The following GALNTL6 variants were observed in gnomAD, a reference collection of about 807,000 sequenced individuals.
The protein encoded by GALNTL6 is polypeptide N-acetylgalactosaminyltransferase like 6.
A neutral mutation model predicts 73.7 loss-of-function variants in GALNTL6; 46 were observed. The observed-to-expected ratio is 0.62, with a 90% confidence interval of 0.49 to 0.80. GALNTL6 has a LOEUF of 0.80. Ranked by LOEUF, GALNTL6 falls within the 30% of genes least tolerant of loss-of-function variation. The pLI is 0.00. For synonymous variants in GALNTL6, 259 were observed against 263.7 expected (o/e 0.98, Z 0.17); for missense variants, 604 against 755.0 (o/e 0.80, Z 2.34).
At chr4:171,823,181 A>C (rs181455110) in intron 2 of GALNTL6, among the ~76,000 whole-genome samples, 58 of 152,312 alleles carry the variant, frequency 3.8e-4, no homozygotes, top group African/African-American at 1.3e-3. Context: ...AAATAAAATT[A>C]TACTAGATTA....
At chr4:172,123,897 AT>A (rs1159771199) in intron 2 of GALNTL6, among the ~76,000 whole-genome samples, 3 of 152,144 alleles carry the variant, frequency 2.0e-5, no homozygotes, top group African/African-American at 7.2e-5. Flanking sequence ...CAGGTTCATC[AT>A]TTCAGAAATT....
At chr4:172,529,863 T>TTTTATTTTATTTA (rs1554032972) in intron 5 of GALNTL6, among the ~76,000 whole-genome samples, 2,788 of 138,628 alleles carry the variant, frequency 0.02, 49 homozygotes, top group East Asian at 0.044. Context: ...TTTATTTTTA[T>TTTTATTTTATTTA]TTTATTTATT....
chr4:172,955,031 T>C (rs1749644769), intron 10 of GALNTL6, among the ~76,000 whole-genome samples: 1 of 152,206 alleles, frequency 6.6e-6, no homozygotes, highest in African/African-American at 2.4e-5. Context: ...TTTTTAAAAG[T>C]ATCTAATTCT....
chr4:172,335,646 T>A (rs1741288981), intron 4 of GALNTL6, among the ~76,000 whole-genome samples: 1 of 152,162 alleles, frequency 6.6e-6, no homozygotes, highest in African/African-American at 2.4e-5. Context: ...CCTTTCAGGA[T>A]TTCAATTTCT....
At chr4:172,492,055 G>A (rs1733915154) in intron 5 of GALNTL6, among the ~76,000 whole-genome samples, 1 of 149,162 alleles carries the variant, frequency 6.7e-6, no homozygotes, top group Non-Finnish European at 1.5e-5. Flanking sequence ...TAACAATGGG[G>A]AACACGGAAG....
intron 2 of GALNTL6, among the ~76,000 whole-genome samples, chr4:171,854,192 T>C (rs1735615660): frequency 6.6e-6 from 1 of 152,170 alleles, no homozygotes; most frequent in African/African-American, 2.4e-5. Flanking sequence ...GCAGTGTTCA[T>C]GTCCTTCCCA....
chr4:172,319,139 T>C (rs564120081), intron 4 of GALNTL6, among the ~76,000 whole-genome samples: 33 of 152,184 alleles, frequency 2.2e-4, no homozygotes, highest in Non-Finnish European at 3.8e-4. Flanking sequence ...AGAATGAGTC[T>C]GTAAGAAAAT....
rs1222198418 is a variant in GALNTL6, at chr4:172,600,651, C to A, written c.554-208710C>A. On this transcript the variant is annotated intron_variant, in intron 5 of 12. Transcript: ENST00000506823. ...TGGAGGATAGTAGGCTGAATAATTT[C>A]CAAGAGTATAGAGACATTTGAGTTT... is the stretch of plus-strand genomic sequence containing the variant. Among the ~76,000 whole-genome samples the A allele has an allele frequency of 2.0e-5, 3 of 152,192 alleles. No homozygotes were observed. The East Asian group carries it at 5.8e-4, about 29-fold the overall frequency.
rs550688042 is a variant in GALNTL6 at position 172,090,451 on chromosome 4, G to C, written c.139-139205G>C. On this transcript the variant is annotated intron_variant, in intron 2 of 12. Coordinates refer to ENST00000506823, the MANE Select transcript of GALNTL6 (RefSeq NM_001034845.3). ...TTGATTTACATTTCTCTAATGACCAGTTATGATAAGCATTTTTTCATATGT... is the reference window on the plus strand; with the variant it reads ...TTGATTTACATTTCTCTAATGACCACTTATGATAAGCATTTTTTCATATGT... 2.6e-5 allele frequency among the ~76,000 whole-genome samples: 4 copies of C among 152,266 alleles called. No individual in the cohort carries two copies. In the East Asian group the frequency reaches 7.7e-4, roughly 29 times the overall value.
chr4:173,024,743 A>G (rs1753163452), intron 12 of GALNTL6, among the ~76,000 whole-genome samples: 1 of 151,998 alleles, frequency 6.6e-6, no homozygotes, highest in Non-Finnish European at 1.5e-5. Context: ...CCATGCCCAG[A>G]TAATTTTGTA....
chr4:172,867,149 A>T (rs1416915008), intron 7 of GALNTL6, among the ~76,000 whole-genome samples: 1 of 152,098 alleles, frequency 6.6e-6, no homozygotes, highest in African/African-American at 2.4e-5. Flanking sequence ...CCAAAGGGAG[A>T]CCCTCCTAAG....
rs377492997 is a variant in GALNTL6, at chr4:172,451,739, C to T, written c.553+103050C>T. Among the ~76,000 whole-genome samples the T allele has an allele frequency of 8.9e-4, 135 of 152,218 alleles. 1 individual carries two copies. Among genetic ancestry groups the T allele is most frequent in the African/African-American group, 2.9e-3 (119 of 41,516 alleles). ...TATGTAAGTGGGCCAGGTGCAGTGG[C>T]GCATGCCTGTAATCCCAGCACTTTG... On this transcript the variant is annotated intron_variant, in intron 5 of 12. Coordinates refer to ENST00000506823, the MANE Select transcript of GALNTL6 (RefSeq NM_001034845.3).
chr4:172,649,406 C>A (rs115806360), intron 5 of GALNTL6, among the ~76,000 whole-genome samples: 2,013 of 152,218 alleles, frequency 0.013, 41 homozygotes, highest in African/African-American at 0.045. Context: ...GACAACTTTC[C>A]AAGTGTTACA....
In GALNTL6 at chr4:172,487,346, CTTT is replaced by C. The variant is rs1733724542; in HGVS notation, c.553+138658_553+138660del. Reference sequence around the variant, plus strand: ...TCTTTCTTTCTTTCTTTCTTTCTTTCTTTCTTTCTTTCCTTCTTTCCTTCTTTT... The same window carrying C: ...TCTTTCTTTCTTTCTTTCTTTCTTTCCTTTCTTTCCTTCTTTCCTTCTTTT... On this transcript the variant is annotated intron_variant, in intron 5 of 12. Coordinates refer to ENST00000506823, the MANE Select transcript of GALNTL6 (RefSeq NM_001034845.3). Among the ~76,000 whole-genome samples, 477 of 126,380 alleles carry C rather than the reference CTTT, an allele frequency of 3.8e-3. 3 individuals are homozygous for C. The highest frequency in any genetic ancestry group is 0.013 in the African/African-American group (450 of 34,178). 82.9% of individuals were successfully genotyped at this position (126,380 alleles called of 152,430 possible).
At chr4:171,870,111 A>T (rs948581077) in intron 2 of GALNTL6, among the ~76,000 whole-genome samples, 1 of 152,194 alleles carries the variant, frequency 6.6e-6, no homozygotes, top group African/African-American at 2.4e-5. Context: ...ATCATGCAGG[A>T]CGTATTCGCT....
intron 5 of GALNTL6, among the ~76,000 whole-genome samples, chr4:172,449,433 TCTCACCAC>T (rs1732134770): frequency 6.6e-6 from 1 of 152,202 alleles, no homozygotes; most frequent in Non-Finnish European, 1.5e-5. Flanking sequence ...AAGTTCCCAT[TCTCACCAC>T]CCCACTGAAA....
chr4:172,525,585 G>A (rs1326598511), intron 5 of GALNTL6, among the ~76,000 whole-genome samples: 1 of 151,974 alleles, frequency 6.6e-6, no homozygotes, highest in Non-Finnish European at 1.5e-5. Flanking sequence ...TCTATGGGTC[G>A]GGCACAGTGA....
At chr4:172,119,218 C>T (rs1257600872) in intron 2 of GALNTL6, among the ~76,000 whole-genome samples, 3 of 152,030 alleles carry the variant, frequency 2.0e-5, no homozygotes, top group Non-Finnish European at 2.9e-5. Context: ...ATTCATGGCT[C>T]ATATCAGTTT....
intron 2 of GALNTL6, among the ~76,000 whole-genome samples, chr4:172,077,595 G>A (rs1731739049): frequency 6.6e-6 from 1 of 152,084 alleles, no homozygotes; most frequent in Non-Finnish European, 1.5e-5. Context: ...TTCTAAAAGA[G>A]TATATTTGTA....
Sources: gnomAD v4.1 joint callset for allele counts (sites outside exome capture counted in the v4.1 genomes callset) on GRCh38, gnomAD v4.1.1 for gene constraint, MANE v1.5 for transcripts, NCBI Gene and HGNC (gene_info 2026-07-23, HGNC 2026-07-21) for gene names.